Variants in KIF13A observed in about 807,000 individuals in gnomAD.
The protein encoded by KIF13A is kinesin-like protein KIF13A.
A neutral mutation model predicts 212.2 loss-of-function variants in KIF13A; 79 were observed. The observed-to-expected ratio is 0.37, with a 90% CI of 0.31 to 0.45. KIF13A has a LOEUF of 0.45. KIF13A is among the 20% of genes least tolerant of loss of function. The pLI, the probability that KIF13A is intolerant of heterozygous loss-of-function variation, is 1.00. For synonymous variants in KIF13A, 789 were observed against 808.6 expected, an observed-to-expected ratio of 0.98 and a Z score of 0.41; for missense variants, 1,901 against 2,209.0, an observed-to-expected ratio of 0.86 and a Z score of 2.79.
intron 2 of KIF13A, among the ~76,000 whole-genome samples, chr6:17,959,959 T>C (rs1353360581): frequency 6.6e-6 from 1 of 151,344 alleles, no homozygotes; most frequent in Non-Finnish European, 1.5e-5. Context: ...GAGGCGGAGG[T>C]TGTGGTGAGC....
chr6:17,914,539 A>G lies in KIF13A; in HGVS notation c.147-16359T>C, dbSNP rs1343130384. ...AATGGGAAGTTTTATAAGATACATGACATTATTTTATGAAATCACTATCCA... is the reference window on the plus strand; with the variant it reads ...AATGGGAAGTTTTATAAGATACATGGCATTATTTTATGAAATCACTATCCA... On this transcript the variant is annotated intron_variant, in intron 2 of 38. Coordinates refer to ENST00000259711, the MANE Select transcript of KIF13A (RefSeq NM_022113.6). This position sits in a 1 kb window ranked among gnomAD's most constrained non-coding sequence, Gnocchi z 5.9. Among the ~76,000 whole-genome samples, 1 of 152,224 alleles carries G rather than the reference A, an allele frequency of 6.6e-6. No homozygotes were observed. The highest frequency in any genetic ancestry group is 1.9e-4 in the East Asian group (1 of 5,206).
At chr6:17,890,188 C>CAAA (rs71002280) in intron 3 of KIF13A, among the ~76,000 whole-genome samples, 16 of 123,448 alleles carry the variant, frequency 1.3e-4, no homozygotes, top group Admixed American at 2.6e-4. Context: ...AACTTCGTCT[C>CAAA]AAAAAAAAAA....
intron 19 of KIF13A, among the ~76,000 whole-genome samples, chr6:17,804,795 G>C (rs1473931503): frequency 9.5e-6 from 1 of 105,490 alleles, no homozygotes; most frequent in South Asian, 3.6e-4. Context: ...GTGACAGAGC[G>C]AGACTCTGTC....
At chr6:17,908,461 A>G (rs1162357592) in intron 2 of KIF13A, among the ~76,000 whole-genome samples, 2 of 152,070 alleles carry the variant, frequency 1.3e-5, no homozygotes, top group Admixed American at 1.3e-4. Context: ...AAAATCAGCC[A>G]GGTGTGATGG....
intron 20 of KIF13A, among the ~76,000 whole-genome samples, chr6:17,801,958 C>T (rs1266759154): frequency 6.6e-6 from 1 of 152,178 alleles, no homozygotes; most frequent in Non-Finnish European, 1.5e-5. Flanking sequence ...TGCACAGAAT[C>T]AAATTAGAGG....
intron 31 of KIF13A, among the ~76,000 whole-genome samples, chr6:17,780,303 T>C (rs938010229): frequency 5.3e-5 from 8 of 152,216 alleles, no homozygotes; most frequent in Non-Finnish European, 8.8e-5. Flanking sequence ...CTGAGATGGC[T>C]AGAACAACAC....
chr6:17,816,840 T>C lies in KIF13A; in HGVS notation c.2000+180A>G, dbSNP rs1380033526. ...GAGGGGTCTTTAACAGCTAACATTA[T>C]AGTAAACATACTTAGGGTGGACAAT... On this transcript the variant is annotated intron_variant, in intron 17 of 38. Coordinates refer to ENST00000259711, the MANE Select transcript of KIF13A (RefSeq NM_022113.6). The surrounding 1 kb of genome is among the most constrained non-coding windows in gnomAD (Gnocchi z 4.3). 6.6e-6 allele frequency among the ~76,000 whole-genome samples: 1 copy of C among 152,186 alleles called. No individual in the cohort carries two copies. Among genetic ancestry groups the C allele is most frequent in the African/African-American group, 2.4e-5 (1 of 41,440 alleles).
At chr6:17,841,740 T>C (rs1766528186) in intron 9 of KIF13A, among the ~76,000 whole-genome samples, 1 of 152,076 alleles carries the variant, frequency 6.6e-6, no homozygotes, top group South Asian at 2.1e-4. Flanking sequence ...TGGAACAGAA[T>C]GAAAATAACT....
Position 17,794,412 on chromosome 6 carries a change from G to A in KIF13A, c.3076-17C>T, listed in dbSNP as rs1403221882. 2.5e-6 allele frequency: 4 copies of A among 1,602,834 alleles called. No individual in the cohort carries two copies. Among genetic ancestry groups the A allele is most frequent in the East Asian group, 4.5e-5 (2 of 44,620 alleles). On this transcript the variant is annotated splice_polypyrimidine_tract_variant and intron_variant, in intron 24 of 38. Coordinates refer to ENST00000259711, the MANE Select transcript of KIF13A (RefSeq NM_022113.6). This position sits in a 1 kb window ranked among gnomAD's most constrained non-coding sequence, Gnocchi z 4.1. Reference sequence around the variant, plus strand: ...GGAATGACCCTGAAGAGGGTGGGGAGGAGTATGGGTGCCAGGAATGATAAT... The same window carrying A: ...GGAATGACCCTGAAGAGGGTGGGGAAGAGTATGGGTGCCAGGAATGATAAT...
chr6:17,932,311 G>A (rs1289168015), intron 2 of KIF13A, among the ~76,000 whole-genome samples: 1 of 152,144 alleles, frequency 6.6e-6, no homozygotes, highest in Non-Finnish European at 1.5e-5. Context: ...CGAATGCCTT[G>A]TACATCGGTG....
chr6:17,954,456 C>T (rs370097378), intron 2 of KIF13A, among the ~76,000 whole-genome samples: 22 of 152,102 alleles, frequency 1.4e-4, no homozygotes, highest in African/African-American at 4.8e-4. Context: ...CAATAAATAA[C>T]AGCTGACTAA....
At chr6:17,959,310 C>T (rs1778621302) in intron 2 of KIF13A, among the ~76,000 whole-genome samples, 1 of 152,148 alleles carries the variant, frequency 6.6e-6, no homozygotes, top group South Asian at 2.1e-4. Context: ...GAAAAATAGC[C>T]ATGCCCATAC....
chr6:17,864,123 T>A (rs1428080008), intron 4 of KIF13A, among the ~76,000 whole-genome samples: 1 of 152,176 alleles, frequency 6.6e-6, no homozygotes, highest in African/African-American at 2.4e-5. Context: ...TATGAGTATT[T>A]GTTTCTATCC....
intron 4 of KIF13A, among the ~76,000 whole-genome samples, chr6:17,865,499 A>T (rs1303037953): frequency 6.6e-6 from 1 of 152,196 alleles, no homozygotes; most frequent in African/African-American, 2.4e-5. Context: ...ACAGCGCAAG[A>T]CCAGACAGGT....
In KIF13A at chr6:17,871,305, G is replaced by A. The variant is rs1432264975; in HGVS notation, c.220+2072C>T. Among the ~76,000 whole-genome samples the A allele has an allele frequency of 2.6e-5, 4 of 152,048 alleles. No homozygotes were observed. The highest frequency in any genetic ancestry group is 2.9e-5 in the Non-Finnish European group (2 of 68,010). ...TCTGGTGCCTTCCCAGACAATTGGT[G>A]CCTTTCCAGATTTTCTCTCTTTAAA... is the stretch of plus-strand genomic sequence containing the variant. On this transcript the variant is annotated intron_variant, in intron 4 of 38. Transcript: ENST00000259711. The surrounding 1 kb of genome is among the most constrained non-coding windows in gnomAD (Gnocchi z 4.4).
chr6:17,909,353 T>C (rs1208243925), intron 2 of KIF13A, among the ~76,000 whole-genome samples: 1 of 151,986 alleles, frequency 6.6e-6, no homozygotes, highest in Non-Finnish European at 1.5e-5. Flanking sequence ...CTGGCCAACA[T>C]GGCGAAACCC....
intron 4 of KIF13A, among the ~76,000 whole-genome samples, chr6:17,864,081 G>T (rs1423539180): frequency 6.6e-6 from 1 of 152,126 alleles, no homozygotes; most frequent in Non-Finnish European, 1.5e-5. Context: ...ATAAACGAAG[G>T]TTCGTTAAGT....
At chr6:17,970,234 A>G (rs1252219869) in intron 2 of KIF13A, among the ~76,000 whole-genome samples, 3 of 152,176 alleles carry the variant, frequency 2.0e-5, no homozygotes, top group African/African-American at 7.2e-5. Flanking sequence ...GTTTTCTTAA[A>G]TAAGGGATTC....
chr6:17,858,253 T>C (rs956543064), intron 4 of KIF13A, among the ~76,000 whole-genome samples: 1 of 152,156 alleles, frequency 6.6e-6, no homozygotes, highest in African/African-American at 2.4e-5. Context: ...GCATAGATGT[T>C]TGGTAACTTC....
Sources: allele counts gnomAD v4.1 joint callset (sites outside exome capture counted in the v4.1 genomes callset), GRCh38; gene constraint gnomAD v4.1.1; non-coding constraint Gnocchi (gnomAD v3.1); transcripts MANE v1.5; gene names NCBI Gene and HGNC (gene_info 2026-07-23, HGNC 2026-07-21).